Variants in ZFYVE28 observed in about 807,000 individuals in gnomAD.
The protein encoded by ZFYVE28 is lateral signaling target protein 2 homolog.
Under a neutral mutation model 82.1 loss-of-function variants are expected in ZFYVE28, and 40 were observed. The observed-to-expected ratio is 0.49, with a 90% CI of 0.38 to 0.63. The LOEUF is 0.63. ZFYVE28 is among the 30% of genes least tolerant of loss of function. The pLI is 0.00. For synonymous variants in ZFYVE28, 612 were observed against 546.1 expected (o/e 1.12, Z -1.68); for missense variants, 1,321 against 1,242.1 (o/e 1.06, Z -0.96).
chr4:2,302,042 C>T (rs1376668023), intron 8 of ZFYVE28, among the ~76,000 whole-genome samples: 2 of 152,218 alleles, frequency 1.3e-5, no homozygotes, highest in African/African-American at 2.4e-5. Flanking sequence ...GGAAGCAGGA[C>T]ATCTCTAGCA....
chr4:2,377,170 C>T lies in ZFYVE28; in HGVS notation c.40-23097G>A, dbSNP rs544360230. Among the ~76,000 whole-genome samples, 7 of 151,970 alleles carry T rather than the reference C, an allele frequency of 4.6e-5. No individual in the cohort carries two copies. In the East Asian group the frequency reaches 5.9e-4, roughly 13 times the overall value. ...CCGAGTAGCTGGGATTACAGGCGCCCGCTACCACGCCCAGCTAATTTTTTG... is the reference window on the plus strand; with the variant it reads ...CCGAGTAGCTGGGATTACAGGCGCCTGCTACCACGCCCAGCTAATTTTTTG... On this transcript the variant is annotated intron_variant, in intron 1 of 12. Transcript: ENST00000290974.
intron 1 of ZFYVE28, among the ~76,000 whole-genome samples, chr4:2,360,041 G>A (rs138586995): frequency 5.3e-5 from 8 of 152,166 alleles, no homozygotes; most frequent in African/African-American, 1.4e-4. Context: ...AACAACCTGC[G>A]AGGCCATTTG....
intron 5 of ZFYVE28, 88 bp downstream of exon 5, chr4:2,337,319 C>G (rs1208211292): frequency 8.6e-7 from 1 of 1,167,084 alleles, no homozygotes; most frequent in Admixed American, 2.4e-5. Context: ...ACAGCAGGTT[C>G]CCCCAGAGCT....
At chr4:2,281,671 G>T (rs918357232) in intron 8 of ZFYVE28, among the ~76,000 whole-genome samples, 1 of 152,190 alleles carries the variant, frequency 6.6e-6, no homozygotes, top group South Asian at 2.1e-4. Flanking sequence ...TTGCAGTGGG[G>T]ATTAAGTTAC....
At position 2,300,297 on chromosome 4, in the gene ZFYVE28, C is replaced by T. The variant is rs909165381; in HGVS notation, c.2051+3992G>A. 1.4e-4 allele frequency among the ~76,000 whole-genome samples: 21 copies of T among 152,190 alleles called. No individual in the cohort carries two copies. Among genetic ancestry groups the T allele is most frequent in the South Asian group, 1.2e-3 (6 of 4,804 alleles). ...ACTTCCAAGGGTGACTTCGAGAGGA[C>T]GGAAGGTTCTGGATCAAAGAGGTAA... On this transcript the variant is annotated intron_variant, in intron 8 of 12. Transcript: ENST00000290974. This position sits in a 1 kb window ranked among gnomAD's most constrained non-coding sequence, Gnocchi z 4.6.
intron 8 of ZFYVE28, among the ~76,000 whole-genome samples, chr4:2,292,641 C>A (rs1029996260): frequency 1.3e-5 from 2 of 152,186 alleles, no homozygotes; most frequent in African/African-American, 4.8e-5. Context: ...AGACAGTCTG[C>A]TAGAAAGACA....
rs889571953 is a variant in ZFYVE28, at chr4:2,335,580, G to A, written c.701+125C>T. On this transcript the variant is annotated intron_variant, in intron 6 of 12. Transcript: ENST00000290974. This position sits in a 1 kb window ranked among gnomAD's most constrained non-coding sequence, Gnocchi z 5.8. ...ACAGCAGGCCTGCCTGTCACTGATC[G>A]GGACAGCTGAGCGGCCACCGTGAGG... is the stretch of plus-strand genomic sequence containing the variant. The A allele has an allele frequency of 5.9e-5, 51 of 859,068 alleles. No individual in the cohort carries two copies. Among genetic ancestry groups the A allele is most frequent in the Non-Finnish European group, 7.3e-5 (40 of 547,036 alleles). 53.2% of individuals were successfully genotyped at this position (859,068 alleles called of 1,614,324 possible).
chr4:2,270,921 C>G, intron 12 of ZFYVE28, 65 bp from the exon 13 acceptor site: 1 of 1,557,498 alleles, frequency 6.4e-7, no homozygotes. Flanking sequence ...GGCTCCTCGC[C>G]CTCCCACACA....
intron 1 of ZFYVE28, among the ~76,000 whole-genome samples, chr4:2,361,813 A>C (rs1416096429): frequency 6.6e-6 from 1 of 152,050 alleles, no homozygotes; most frequent in Non-Finnish European, 1.5e-5. Context: ...TATGACATAA[A>C]TCCTGCAGGT....
chr4:2,413,025 G>A (rs1732681821), intron 1 of ZFYVE28, among the ~76,000 whole-genome samples: 1 of 152,180 alleles, frequency 6.6e-6, no homozygotes, highest in African/African-American at 2.4e-5. Context: ...TAAGCGCCCA[G>A]CCCTGCCCTG....
At chr4:2,402,942 T>A in intron 1 of ZFYVE28, among the ~76,000 whole-genome samples, 1 of 152,212 alleles carries the variant, frequency 6.6e-6, no homozygotes, top group East Asian at 1.9e-4. Context: ...TCACAGGACG[T>A]GCCTACCACC....
chr4:2,303,943 C>A (rs560159268), intron 8 of ZFYVE28, among the ~76,000 whole-genome samples: 1 of 152,250 alleles, frequency 6.6e-6, no homozygotes, highest in African/African-American at 2.4e-5. Context: ...CGCACAGGCA[C>A]GCGGCTCACA....
intron 8 of ZFYVE28, among the ~76,000 whole-genome samples, chr4:2,280,204 G>A (rs185987198): frequency 6.6e-6 from 1 of 152,316 alleles, no homozygotes; most frequent in East Asian, 1.9e-4. Context: ...AATGAAAAAT[G>A]TAGCATTTAA....
chr4:2,271,569 C>T (rs1223836391), intron 11 of ZFYVE28, 106 bp downstream of exon 11: 21 of 1,443,218 alleles, frequency 1.5e-5, no homozygotes, highest in East Asian at 9.1e-5. Flanking sequence ...CCCACATGCC[C>T]GGACAGGGTG....
intron 6 of ZFYVE28, among the ~76,000 whole-genome samples, chr4:2,323,673 C>T (rs1316381486): frequency 6.7e-6 from 1 of 148,976 alleles, no homozygotes; most frequent in Non-Finnish European, 1.5e-5. Context: ...AGGTATATCT[C>T]CCAATGCTAT....
At chr4:2,411,900 T>C in intron 1 of ZFYVE28, among the ~76,000 whole-genome samples, 1 of 152,178 alleles carries the variant, frequency 6.6e-6, no homozygotes, top group Non-Finnish European at 1.5e-5. Flanking sequence ...GCACAGGCCA[T>C]GGGAGGACAG....
intron 1 of ZFYVE28, among the ~76,000 whole-genome samples, chr4:2,354,994 G>A (rs1317426917): frequency 2.0e-5 from 3 of 151,008 alleles, no homozygotes; most frequent in Non-Finnish European, 3.0e-5. Context: ...CACCAAACAC[G>A]CAGGGGCTCA....
At chr4:2,298,026 G>A (rs112805867) in intron 8 of ZFYVE28, among the ~76,000 whole-genome samples, 20 of 147,948 alleles carry the variant, frequency 1.4e-4, no homozygotes, top group Non-Finnish European at 2.5e-4. Flanking sequence ...AGCAGTGACA[G>A]TGGGGTGACA....
At chr4:2,279,777 CAA>C (rs1166588910) in intron 8 of ZFYVE28, among the ~76,000 whole-genome samples, 32 of 104,936 alleles carry the variant, frequency 3.0e-4, no homozygotes, top group Admixed American at 5.2e-4. Flanking sequence ...GAGACTCCTT[CAA>C]AAAAAAAAAA....
Sources: allele counts gnomAD v4.1 joint callset (sites outside exome capture counted in the v4.1 genomes callset), GRCh38; gene constraint gnomAD v4.1.1; non-coding constraint Gnocchi (gnomAD v3.1); transcripts MANE v1.5; gene names NCBI Gene and HGNC (gene_info 2026-07-23, HGNC 2026-07-21).